The following NCKAP5 variants were observed in gnomAD, a reference collection of about 807,000 sequenced individuals.
NCKAP5 encodes NCK associated protein 5, also known as nck-associated protein 5.
Under a neutral mutation model 167.0 loss-of-function variants are expected in NCKAP5, and 92 were observed. The observed-to-expected ratio is 0.55, with a 90% CI of 0.47 to 0.66. NCKAP5 has a LOEUF of 0.66. NCKAP5 is among the 30% of genes least tolerant of loss of function. The pLI is 0.00. For synonymous variants in NCKAP5, 891 were observed against 877.4 expected (o/e 1.02, Z -0.27); for missense variants, 2,378 against 2,315.0 (o/e 1.03, Z -0.56).
chr2:133,021,798 T>C (rs2078538477), intron 6 of NCKAP5, among the ~76,000 whole-genome samples: 8 of 152,120 alleles, frequency 5.3e-5, no homozygotes, highest in Admixed American at 5.2e-4. Flanking sequence ...GCCTGGCTAA[T>C]TTTTTGTATT....
chr2:133,309,730 T>C (rs1332743129), intron 3 of NCKAP5, among the ~76,000 whole-genome samples: 1 of 152,218 alleles, frequency 6.6e-6, no homozygotes, highest in East Asian at 1.9e-4. Flanking sequence ...CATAAGCCCA[T>C]TTAATGTGAA....
chr2:132,766,442 C>G (rs1048097569), intron 16 of NCKAP5, among the ~76,000 whole-genome samples: 4 of 152,072 alleles, frequency 2.6e-5, no homozygotes, highest in African/African-American at 9.7e-5. Context: ...TTATTTAAAC[C>G]ATGGCACTTT....
intron 5 of NCKAP5, among the ~76,000 whole-genome samples, chr2:133,165,336 C>A (rs2083955291): frequency 6.6e-6 from 1 of 152,198 alleles, no homozygotes; most frequent in African/African-American, 2.4e-5. Context: ...TCACAGCCTG[C>A]AACCCAGCTT....
Position 132,784,456 on chromosome 2 carries a change from A to T in NCKAP5, c.2355T>A (p.Asn785Lys). ...TGCCCATGGGTGCCGAAGACCTGGA[A>T]TTACTCTGGCATGATATATTGTGTG... ...KPTHNISCQSNSRSSAPMGIY... is the reference protein window; with the variant it reads ...KPTHNISCQSKSRSSAPMGIY... The change falls in exon 14 of 20, where the codon AAT becomes AAA. Residue 785 changes from asparagine (N) to lysine (K), a missense_variant. This residue lies in a region of NCKAP5 where 1,049 missense variants were observed against 1,023.4 expected (regional missense o/e 1.02). Transcript: ENST00000409261. 3 of 1,603,760 alleles carry T rather than the reference A, an allele frequency of 1.9e-6. No individual in the cohort carries two copies. Among genetic ancestry groups the T allele is most frequent in the Non-Finnish European group, 2.6e-6 (3 of 1,175,822 alleles).
At chr2:133,281,549 C>T (rs2089935745) in intron 4 of NCKAP5, among the ~76,000 whole-genome samples, 1 of 152,044 alleles carries the variant, frequency 6.6e-6, no homozygotes, top group East Asian at 1.9e-4. Flanking sequence ...TGGAAATTAA[C>T]ATAAAGGAAA....
intron 11 of NCKAP5, among the ~76,000 whole-genome samples, chr2:132,832,892 G>A (rs1347939991): frequency 6.6e-6 from 1 of 152,078 alleles, no homozygotes; most frequent in Non-Finnish European, 1.5e-5. Flanking sequence ...CCAGTAGTGG[G>A]ATTGCTGGAT....
the NCKAP5 span, among the ~76,000 whole-genome samples, chr2:133,651,873 A>G: frequency 6.6e-6 from 1 of 152,238 alleles, no homozygotes; most frequent in Non-Finnish European, 1.5e-5. Flanking sequence ...CCTTGAGGAC[A>G]TTATCCTTTC....
intron 8 of NCKAP5, among the ~76,000 whole-genome samples, chr2:132,909,945 A>C (rs1694313897): frequency 6.6e-6 from 1 of 152,168 alleles, no homozygotes; most frequent in Non-Finnish European, 1.5e-5. Flanking sequence ...ATTCACAGTA[A>C]ACCTATGATG....
At chr2:133,284,360 A>G (rs2090032816) in intron 4 of NCKAP5, among the ~76,000 whole-genome samples, 1 of 152,186 alleles carries the variant, frequency 6.6e-6, no homozygotes, top group Non-Finnish European at 1.5e-5. Flanking sequence ...GTTGGAAATA[A>G]AAACAGATTT....
chr2:133,476,701 A>G (rs1421196867), intron 3 of NCKAP5, among the ~76,000 whole-genome samples: 1 of 152,252 alleles, frequency 6.6e-6, no homozygotes, highest in Non-Finnish European at 1.5e-5. Context: ...ATGTTTAAAT[A>G]GAGCCATCTG....
At chr2:132,926,837 C>T (rs1426373250) in intron 8 of NCKAP5, among the ~76,000 whole-genome samples, 3 of 152,038 alleles carry the variant, frequency 2.0e-5, no homozygotes, top group Admixed American at 6.5e-5. Flanking sequence ...TCTCTTCACT[C>T]GTTTATTTCC....
At chr2:133,514,660 A>T (rs181584967) in intron 3 of NCKAP5, among the ~76,000 whole-genome samples, 32 of 152,348 alleles carry the variant, frequency 2.1e-4, no homozygotes, top group Admixed American at 5.9e-4. Flanking sequence ...ACTCTCAAAA[A>T]TATGTGTCAT....
At chr2:132,691,686 C>T (rs949495169) in intron 19 of NCKAP5, among the ~76,000 whole-genome samples, 3 of 152,150 alleles carry the variant, frequency 2.0e-5, no homozygotes, top group African/African-American at 7.2e-5. Flanking sequence ...ATCAGCATGA[C>T]CATAAATCAC....
chr2:133,632,795 A>C, the NCKAP5 span, among the ~76,000 whole-genome samples: 6 of 152,236 alleles, frequency 3.9e-5, no homozygotes, highest in East Asian at 7.7e-4. Flanking sequence ...TTACATCTTA[A>C]TAGAGGTCTA....
At chr2:132,779,321 T>C (rs182395745) in intron 15 of NCKAP5, among the ~76,000 whole-genome samples, 23 of 152,210 alleles carry the variant, frequency 1.5e-4, no homozygotes, top group African/African-American at 5.5e-4. Flanking sequence ...AGTGAAGATA[T>C]ACCCTAGGCT....
At chr2:132,979,990 C>CTT (rs1179720276) in intron 7 of NCKAP5, among the ~76,000 whole-genome samples, 3 of 145,604 alleles carry the variant, frequency 2.1e-5, no homozygotes, top group Admixed American at 6.8e-5. Flanking sequence ...TTTTCTTTTT[C>CTT]TTTTTCTTTT....
At chr2:132,838,887 C>A (rs77698871) in intron 11 of NCKAP5, among the ~76,000 whole-genome samples, 4,682 of 152,286 alleles carry the variant, frequency 0.031, 122 homozygotes, top group Non-Finnish European at 0.044. Context: ...AGCATTATTT[C>A]TCTCCTTGAT....
the NCKAP5 span, among the ~76,000 whole-genome samples, chr2:133,615,126 C>T: frequency 1.3e-5 from 2 of 151,644 alleles, no homozygotes; most frequent in Non-Finnish European, 2.9e-5. Flanking sequence ...ACCAGGCCTG[C>T]CCTAAAAGAG....
intron 2 of NCKAP5, among the ~76,000 whole-genome samples, chr2:133,541,733 G>C (rs1686241153): frequency 6.6e-6 from 1 of 151,850 alleles, no homozygotes; most frequent in East Asian, 1.9e-4. Context: ...GTTAACATTG[G>C]GCTGTAACTA....
Sources: allele counts gnomAD v4.1 joint callset (sites outside exome capture counted in the v4.1 genomes callset), GRCh38; gene constraint gnomAD v4.1.1; regional missense constraint gnomAD v4.1.1; transcripts MANE v1.5; gene names NCBI Gene and HGNC (gene_info 2026-07-23, HGNC 2026-07-21).